Variants in EHMT2 observed in about 807,000 individuals in gnomAD.
EHMT2 encodes histone-lysine N-methyltransferase EHMT2.
A neutral mutation model predicts 143.3 loss-of-function variants in EHMT2; 59 were observed. The observed-to-expected ratio is 0.41, with a 90% CI of 0.33 to 0.51. EHMT2 has a LOEUF of 0.51. EHMT2 is among the 20% of genes least tolerant of loss of function. EHMT2 has a pLI of 0.18. For missense variants in EHMT2, 1,174 were observed against 1,645.9 expected, an observed-to-expected ratio of 0.71 and a Z score of 4.96; for synonymous variants, 604 against 651.5, an observed-to-expected ratio of 0.93 and a Z score of 1.11.
chr6:31,896,047 T>C, intron 4 of EHMT2: 1 of 561,442 alleles, frequency 1.8e-6, no homozygotes, highest in Non-Finnish European at 3.0e-6. Flanking sequence ...TAATTGACTC[T>C]TTAACATCAA....
chr6:31,891,257 A>C (rs1765645981), intron 7 of EHMT2, among the ~76,000 whole-genome samples: 1 of 152,162 alleles, frequency 6.6e-6, no homozygotes, highest in Non-Finnish European at 1.5e-5. Flanking sequence ...CCTAAGACAA[A>C]TGTTAATCAA....
Position 31,881,351 on chromosome 6 carries a change from G to C in EHMT2, c.3198-259C>G. On this transcript the variant is annotated intron_variant, in intron 25 of 27. Coordinates refer to ENST00000375537, the Ensembl canonical transcript of EHMT2. The surrounding 1 kb of genome is among the most constrained non-coding windows in gnomAD (Gnocchi z 4.8). Reference sequence around the variant, plus strand: ...ATTAATGTGTAGGGGCAGTTGGCCTGGGTGGGGAAGTTCGGGTTTGGACAC... The same window carrying C: ...ATTAATGTGTAGGGGCAGTTGGCCTCGGTGGGGAAGTTCGGGTTTGGACAC... 1 of 577,802 alleles carries C rather than the reference G, an allele frequency of 1.7e-6. No individual in the cohort carries two copies. Among genetic ancestry groups the C allele is most frequent in the South Asian group, 2.0e-5 (1 of 48,876 alleles). 35.8% of individuals were successfully genotyped at this position (577,802 alleles called of 1,614,324 possible).
chr6:31,891,794 G>A (rs1279883000), intron 7 of EHMT2, among the ~76,000 whole-genome samples: 1 of 152,112 alleles, frequency 6.6e-6, no homozygotes, highest in Admixed American at 6.5e-5. Context: ...TTAAAAAAGT[G>A]CTTTCTGGTC....
At position 31,888,367 on chromosome 6, in the gene EHMT2, G is replaced by A. The variant is rs553740212; in HGVS notation, c.1505C>T (p.Thr502Met). Residue 502 changes from threonine (T) to methionine (M), a missense_variant, in exon 12 of 28, where the codon ACG (threonine) becomes ATG (methionine). Thr to Met is a moderately conservative substitution (Grantham distance 81). Coordinates refer to ENST00000375537, the Ensembl canonical transcript of EHMT2. This position sits in a 1 kb window ranked among gnomAD's most constrained non-coding sequence, Gnocchi z 7.4. Reference sequence around the variant, plus strand: ...TCTGCCCCACTGGTCACTCACCGCCGTGCAGAAGTAGCCGCAGCCCGGGCA... The same window carrying A: ...TCTGCCCCACTGGTCACTCACCGCCATGCAGAAGTAGCCGCAGCCCGGGCA... 50 of 1,612,572 alleles carry A rather than the reference G, an allele frequency of 3.1e-5. No individual in the cohort carries two copies. The highest frequency in any genetic ancestry group is 8.9e-5 in the East Asian group (4 of 44,860).
At position 31,884,384 on chromosome 6, in the gene EHMT2, G is replaced by C. The variant is rs1764530770; in HGVS notation, c.2771+8C>G. 6.2e-7 allele frequency: 1 copy of C among 1,609,464 alleles called. No homozygotes were observed. The highest frequency in any genetic ancestry group is 1.7e-5 in the Admixed American group (1 of 59,898). ...GGTCTTGGGTGCAGAGAGGGGCCCAGGGCTCACCGGCAGATGATCTTCTCT... is the reference window on the plus strand; with the variant it reads ...GGTCTTGGGTGCAGAGAGGGGCCCACGGCTCACCGGCAGATGATCTTCTCT... On this transcript the variant is annotated splice_region_variant and intron_variant, in intron 21 of 27. Transcript: ENST00000375537. This position sits in a 1 kb window ranked among gnomAD's most constrained non-coding sequence, Gnocchi z 7.3.
rs1764336463 is a variant in EHMT2 at position 31,883,169 on chromosome 6, T to C, written c.2995-160A>G. The C allele has an allele frequency of 2.3e-6, 2 of 862,358 alleles. No individual in the cohort carries two copies. Among genetic ancestry groups the C allele is most frequent in the South Asian group, 3.2e-5 (2 of 62,734 alleles). 53.4% of individuals were successfully genotyped at this position (862,358 alleles called of 1,614,324 possible). ...GAAATGCAGGAGCATCATCCCTGGTTTGCATAGACCTGGGCACACGCCCAT... is the reference window on the plus strand; with the variant it reads ...GAAATGCAGGAGCATCATCCCTGGTCTGCATAGACCTGGGCACACGCCCAT... On this transcript the variant is annotated intron_variant, in intron 23 of 27. Coordinates refer to ENST00000375537, the Ensembl canonical transcript of EHMT2. This position sits in a 1 kb window ranked among gnomAD's most constrained non-coding sequence, Gnocchi z 5.6.
chr6:31,893,271 C>G, intron 4 of EHMT2: 1 of 460,604 alleles, frequency 2.2e-6, no homozygotes, highest in Non-Finnish European at 4.1e-6. Context: ...AATGGATAAG[C>G]AAAATGTGGC....
In EHMT2 at chr6:31,880,938, T is replaced by C; in HGVS notation, c.3276+76A>G. The C allele has an allele frequency of 6.2e-7, 1 of 1,609,474 alleles. No individual in the cohort carries two copies. Among genetic ancestry groups the C allele is most frequent in the Admixed American group, 1.7e-5 (1 of 59,988 alleles). On this transcript the variant is annotated intron_variant, in intron 26 of 27. Coordinates refer to ENST00000375537, the Ensembl canonical transcript of EHMT2. The surrounding 1 kb of genome is among the most constrained non-coding windows in gnomAD (Gnocchi z 6.6). Reference sequence around the variant, plus strand: ...CTCCCCAGTCCCTCCTCCCCAGGTTTCCATTTGCTGACTTCCCAGAGGCTC... The same window carrying C: ...CTCCCCAGTCCCTCCTCCCCAGGTTCCCATTTGCTGACTTCCCAGAGGCTC...
exon 1 of EHMT2, chr6:31,897,648 C>G: frequency 8.6e-7 from 1 of 1,164,802 alleles, no homozygotes; most frequent in Non-Finnish European, 1.1e-6. Context: ...CGGCGGCCGC[C>G]GCCGCTGCAG....
At chr6:31,887,929 C>A (rs148339816) in exon 14 of EHMT2, 4 of 1,600,690 alleles carry the variant, frequency 2.5e-6, no homozygotes, top group Admixed American at 3.4e-5. Flanking sequence ...GCAGGGCGGG[C>A]GCCGGGGTTC....
intron 25 of EHMT2, 149 bp downstream of exon 25, chr6:31,882,550 A>G: frequency 3.9e-6 from 3 of 774,712 alleles, no homozygotes; most frequent in East Asian, 2.7e-5. Flanking sequence ...GCTCAGCTGC[A>G]GGAATAGGGG....
At position 31,889,556 on chromosome 6, in the gene EHMT2, T is replaced by G; in HGVS notation, c.911A>C (p.Glu304Ala). Residue 304 changes from glutamate to alanine, a missense_variant, in exon 8 of 28, where the codon GAG (glutamate) becomes GCG (alanine). Around this residue, in one of 6 missense-constraint regions of EHMT2, gnomAD observed 399 missense variants for 404.4 expected, o/e 0.99. Coordinates refer to ENST00000375537, the Ensembl canonical transcript of EHMT2. The surrounding 1 kb of genome is among the most constrained non-coding windows in gnomAD (Gnocchi z 5.1). Reference sequence around the variant, plus strand: ...CTCTTCTTCTTCTTCCTCCTCTTCCTCCTCCTCCTCTTCACTTAGTTGTTC... The same window carrying G: ...CTCTTCTTCTTCTTCCTCCTCTTCCGCCTCCTCCTCTTCACTTAGTTGTTC... The G allele has an allele frequency of 6.2e-7, 1 of 1,611,600 alleles. No individual in the cohort carries two copies. Among genetic ancestry groups the G allele is most frequent in the Non-Finnish European group, 8.5e-7 (1 of 1,179,830 alleles).
rs534294301 is a variant in EHMT2 at position 31,897,111 on chromosome 6, C to A, written c.43-122G>T. The A allele has an allele frequency of 1.5e-4, 211 of 1,423,728 alleles. 2 individuals carry two copies. The African/African-American group carries it at 1.9e-3, about 13-fold the overall frequency. The allele number at this position is 1,423,728 out of a possible 1,614,324, so 88.2% of individuals were successfully genotyped here. On this transcript the variant is annotated intron_variant, in intron 1 of 27. Transcript: ENST00000375537. ...GGGCCTACCTCTTCCTCTGTGGGGC[C>A]CCCCCCTTCCGCGGCCTCGGCTGCC...
chr6:31,895,625 C>T lies in EHMT2; in HGVS notation c.582+638G>A, dbSNP rs1281719546. 2.0e-5 allele frequency: 3 copies of T among 152,078 alleles called. No individual in the cohort carries two copies. The East Asian group carries it at 5.8e-4, about 29-fold the overall frequency. The allele number at this position is 152,078 out of a possible 1,614,324, so 9.4% of individuals were successfully genotyped here. ...AGCCTGGGCAACATAGTGAAACTGT[C>T]TTCAAAAACAAAACAAAACAAACAA... is the stretch of plus-strand genomic sequence containing the variant. On this transcript the variant is annotated intron_variant, in intron 4 of 27. Coordinates refer to ENST00000375537, the Ensembl canonical transcript of EHMT2.
At chr6:31,896,282 G>C (rs201935630) in exon 4 of EHMT2, 14 of 1,612,456 alleles carry the variant, frequency 8.7e-6, no homozygotes, top group Non-Finnish European at 1.2e-5. Context: ...TCCTGGTTTG[G>C]ACATGGTTTT....
chr6:31,893,552 C>T, intron 4 of EHMT2: 1 of 264,132 alleles, frequency 3.8e-6, no homozygotes, highest in Non-Finnish European at 7.8e-6. Flanking sequence ...GTCTTGAACT[C>T]CTGGTGTCAA....
rs780520573 is a variant in EHMT2 at position 31,889,389 on chromosome 6, C to G, written c.1000-47G>C. ...AGTTAGGAACCCTCACCCCCAGGGGCCCCCCCAACACCTTCAGGACCAGAC... is the reference window on the plus strand; with the variant it reads ...AGTTAGGAACCCTCACCCCCAGGGGGCCCCCCAACACCTTCAGGACCAGAC... On this transcript the variant is annotated intron_variant, in intron 8 of 27. Transcript: ENST00000375537. The surrounding 1 kb of genome is among the most constrained non-coding windows in gnomAD (Gnocchi z 5.1). The G allele has an allele frequency of 1.9e-6, 3 of 1,605,626 alleles. No individual in the cohort carries two copies. The highest frequency in any genetic ancestry group is 3.4e-5 in the Admixed American group (2 of 59,154).
At position 31,884,790 on chromosome 6, in the gene EHMT2, T is replaced by C. The variant is rs752907402; in HGVS notation, c.2458A>G (p.Ile820Val). The stretch of plus-strand genomic sequence containing the variant: ...GTGAAGGAGGCCCAGTGCAGGCAGA[T>C]GTTCTCCTCCTGTGGAGGTAGGAGG... The change falls in exon 20 of 28, where the codon ATC becomes GTC. Residue 820 changes from isoleucine to valine, a missense_variant. Ile to Val is a conservative substitution (Grantham distance 29, BLOSUM62 3). Transcript: ENST00000375537. This position sits in a 1 kb window ranked among gnomAD's most constrained non-coding sequence, Gnocchi z 7.3. The C allele has an allele frequency of 8.1e-6, 13 of 1,599,084 alleles. No homozygotes were observed. In the Admixed American group the frequency reaches 8.8e-5, roughly 11 times the overall value.
Position 31,888,953 on chromosome 6 carries a change from G to A in EHMT2, c.1216+16C>T. 3.1e-6 allele frequency: 5 copies of A among 1,588,256 alleles called. No individual in the cohort carries two copies. Among genetic ancestry groups the A allele is most frequent in the Admixed American group, 3.6e-5 (2 of 54,840 alleles). On this transcript the variant is annotated intron_variant, in intron 10 of 27. Coordinates refer to ENST00000375537, the Ensembl canonical transcript of EHMT2. The surrounding 1 kb of genome is among the most constrained non-coding windows in gnomAD (Gnocchi z 7.4). ...TCGCCCCCTAGTGGCTCCCTGTCCC[G>A]GCAATTGGCAATTACCAGCGTGGTT...
Sources: gnomAD v4.1 joint callset for allele counts (sites outside exome capture counted in the v4.1 genomes callset) on GRCh38, gnomAD v4.1.1 for gene constraint, gnomAD v4.1.1 regional missense constraint, Gnocchi (gnomAD v3.1) non-coding constraint, MANE v1.5 for transcripts, NCBI Gene and HGNC (gene_info 2026-07-23, HGNC 2026-07-21) for gene names.